Variants in UBAP2 observed in about 807,000 individuals in gnomAD.
UBAP2 encodes ubiquitin associated protein 2.
Under a neutral mutation model 139.6 loss-of-function variants are expected in UBAP2, and 75 were observed. That is an observed-to-expected ratio of 0.54 (90% confidence interval 0.45 to 0.65). UBAP2 has a LOEUF of 0.65. Ranked by LOEUF, UBAP2 falls within the 30% of genes least tolerant of loss-of-function variation. UBAP2 has a pLI of 0.00. For synonymous variants in UBAP2, 526 were observed against 526.2 expected (o/e 1.00, Z 0.01); for missense variants, 1,368 against 1,369.6 (o/e 1.00, Z 0.02).
chr9:33,997,046 A>G (rs1045096710), intron 3 of UBAP2: 3 of 152,226 alleles, frequency 2.0e-5, no homozygotes, highest in African/African-American at 7.2e-5. Context: ...CCTCAAAAAA[A>G]AGAAGAAAAA....
chr9:33,947,945 G>A (rs1825774857), intron 13 of UBAP2, among the ~76,000 whole-genome samples: 1 of 148,442 alleles, frequency 6.7e-6, no homozygotes, highest in Non-Finnish European at 1.5e-5. Context: ...GCCAGGAGGT[G>A]GAGATCAGCC....
At chr9:33,965,555 T>C (rs1232936132) in intron 8 of UBAP2, among the ~76,000 whole-genome samples, 1 of 152,246 alleles carries the variant, frequency 6.6e-6, no homozygotes, top group Admixed American at 6.5e-5. Context: ...TATATCTTCT[T>C]TGTAAGTTGT....
At chr9:33,938,614 T>C (rs919935950) in intron 16 of UBAP2, among the ~76,000 whole-genome samples, 12 of 151,898 alleles carry the variant, frequency 7.9e-5, no homozygotes, top group Non-Finnish European at 1.8e-4. Flanking sequence ...CTGGGCAACA[T>C]GGTGAAACCC....
At chr9:34,043,694 C>T (rs867595114) in intron 1 of UBAP2, among the ~76,000 whole-genome samples, 1 of 152,006 alleles carries the variant, frequency 6.6e-6, no homozygotes, top group African/African-American at 2.4e-5. Flanking sequence ...CAGGGTCTCA[C>T]TATATTGCCC....
At position 33,980,118 on chromosome 9, in the gene UBAP2, A is replaced by C. The variant is rs1232426618; in HGVS notation, c.520+6642T>G. 2.6e-5 allele frequency among the ~76,000 whole-genome samples: 4 copies of C among 151,842 alleles called. No homozygotes were observed. The East Asian group carries it at 7.7e-4, about 29-fold the overall frequency. ...ATCATGGAATCAAATCTTCAAGCAA[A>C]GCTGGCAAACACATACTTAGCTGAC... On this transcript the variant is annotated intron_variant, in intron 6 of 28. Coordinates refer to ENST00000379238, the MANE Select transcript of UBAP2 (RefSeq NM_001370062.2).
intron 12 of UBAP2, among the ~76,000 whole-genome samples, chr9:33,949,722 T>G (rs307656): frequency 6.6e-6 from 1 of 151,928 alleles, no homozygotes; most frequent in Non-Finnish European, 1.5e-5. Context: ...TGTGCGCGCA[T>G]GCACGCGCAC....
Position 33,948,399 on chromosome 9 carries a change from G to A in UBAP2, c.1245C>T (p.Ser415=), listed in dbSNP as rs1323866794. The A allele has an allele frequency of 2.7e-5, 44 of 1,612,964 alleles. No homozygotes were observed. Among genetic ancestry groups the A allele is most frequent in the Non-Finnish European group, 3.1e-5 (37 of 1,179,246 alleles). Residue 415 remains serine (S), a synonymous_variant, in exon 13 of 29, where the codon TCC becomes TCT. Transcript: ENST00000379238. ...CAAGATGACTGAGGACTGAGGACTG[G>A]GATGTTGGGGGCTTGAGGTCCCAAG... is the stretch of plus-strand genomic sequence containing the variant. The part of the protein sequence containing the change: ...TTSWDLKPPT[S]QSSVLSHLDF...
intron 1 of UBAP2, among the ~76,000 whole-genome samples, chr9:34,035,532 T>TATATATATATA (rs1466687163): frequency 2.9e-5 from 3 of 104,130 alleles, no homozygotes; most frequent in South Asian, 2.9e-4. Flanking sequence ...TATATAAAGA[T>TATATATATATA]TAGCCAGGTT....
rs1416710160 is a variant in UBAP2 at position 33,989,063 on chromosome 9, CTT to C, written c.350_351del (p.Lys117ArgfsTer3). The C allele has an allele frequency of 5.0e-6, 8 of 1,613,882 alleles. No homozygotes were observed. Among genetic ancestry groups the C allele is most frequent in the Admixed American group, 3.3e-5 (2 of 59,966 alleles). ...TTCTCGCTTTTCTTCTCTCTATTCTCTTTGTTTTCTGAATTTTCTTTTGCAAA... is the reference window on the plus strand; with the variant it reads ...TTCTCGCTTTTCTTCTCTCTATTCTCTGTTTTCTGAATTTTCTTTTGCAAA... ...KNFAKENSEN[K>X]ENREKKSEKE... On this transcript the variant is annotated frameshift_variant, in exon 5 of 29. Coordinates refer to ENST00000379238, the MANE Select transcript of UBAP2 (RefSeq NM_001370062.2). LOFTEE classifies it high-confidence loss of function.
At chr9:34,007,797 C>T (rs1823367189) in intron 2 of UBAP2, among the ~76,000 whole-genome samples, 1 of 151,912 alleles carries the variant, frequency 6.6e-6, no homozygotes, top group Admixed American at 6.6e-5. Flanking sequence ...CGCCACCACT[C>T]CCGGCTAATT....
At chr9:34,039,436 G>A (rs1415541093) in intron 1 of UBAP2, among the ~76,000 whole-genome samples, 1 of 152,212 alleles carries the variant, frequency 6.6e-6, no homozygotes, top group Non-Finnish European at 1.5e-5. Flanking sequence ...GGAAAAGATA[G>A]AGAAATCAGA....
intron 21 of UBAP2, 39 bp from the exon 22 acceptor site, chr9:33,926,703 A>C: frequency 6.2e-7 from 1 of 1,611,912 alleles, no homozygotes; most frequent in Non-Finnish European, 8.5e-7. Flanking sequence ...GGAACCACAT[A>C]CCACACCCTG....
chr9:34,022,689 T>G (rs963623680), intron 1 of UBAP2, among the ~76,000 whole-genome samples: 6 of 151,898 alleles, frequency 4.0e-5, no homozygotes, highest in African/African-American at 1.4e-4. Flanking sequence ...TCCACCAGCC[T>G]CAGCCTCCAA....
At chr9:33,968,821 T>C (rs307673) in intron 8 of UBAP2, among the ~76,000 whole-genome samples, 12,439 of 152,244 alleles carry the variant, frequency 0.082, 696 homozygotes, top group Non-Finnish European at 0.12. Context: ...TCCATACTCA[T>C]TTGTAGTCAC....
intron 5 of UBAP2, among the ~76,000 whole-genome samples, chr9:33,988,117 T>C (rs562323682): frequency 1.3e-5 from 2 of 152,290 alleles, no homozygotes; most frequent in South Asian, 2.1e-4. Context: ...TGTTTTTCCC[T>C]ATAACATAAT....
chr9:33,987,222 C>T (rs539803933), intron 5 of UBAP2, among the ~76,000 whole-genome samples: 21 of 152,120 alleles, frequency 1.4e-4, no homozygotes, highest in African/African-American at 4.8e-4. Flanking sequence ...ACCAGCCTGG[C>T]TAACACACGG....
chr9:34,006,255 A>G (rs1458241695), intron 2 of UBAP2, among the ~76,000 whole-genome samples: 1 of 150,746 alleles, frequency 6.6e-6, no homozygotes, highest in Non-Finnish European at 1.5e-5. Flanking sequence ...AAAAAAAAAG[A>G]AGAAGAACTG....
At chr9:33,945,053 C>A (rs757254967) in intron 13 of UBAP2, among the ~76,000 whole-genome samples, 8 of 151,794 alleles carry the variant, frequency 5.3e-5, no homozygotes, top group Non-Finnish European at 1.2e-4. Flanking sequence ...TTGCTTTAGC[C>A]CAGGAGTACA....
At chr9:34,046,346 C>T (rs1827579012) in intron 1 of UBAP2, among the ~76,000 whole-genome samples, 1 of 144,798 alleles carries the variant, frequency 6.9e-6, no homozygotes, top group Admixed American at 7.2e-5. Flanking sequence ...TCAAAGCTAA[C>T]ATTTTAGAAG....
Sources: allele counts gnomAD v4.1 joint callset (sites outside exome capture counted in the v4.1 genomes callset), GRCh38; gene constraint gnomAD v4.1.1; transcripts MANE v1.5; gene names NCBI Gene and HGNC (gene_info 2026-07-23, HGNC 2026-07-21).